CREM: variants seen among roughly 807,000 people sequenced by gnomAD.
The protein encoded by CREM is cAMP-responsive element modulator.
CREM carries 13 observed loss-of-function variants against 37.3 expected under a neutral mutation model. The observed-to-expected ratio is 0.35, with a 90% confidence interval of 0.23 to 0.55. The LOEUF (loss-of-function observed/expected upper bound fraction) is 0.55, where lower values mean the gene tolerates loss of function less well. CREM is among the 20% of genes least tolerant of loss of function. CREM has a pLI of 0.88. For synonymous variants in CREM, 124 were observed against 120.2 expected (o/e 1.03, Z -0.21); for missense variants, 296 against 362.3 (o/e 0.82, Z 1.49).
intron 6 of CREM, among the ~76,000 whole-genome samples, chr10:35,199,507 A>G (rs1032261544): frequency 1.3e-5 from 2 of 152,228 alleles, no homozygotes; most frequent in Non-Finnish European, 2.9e-5. Flanking sequence ...CCAACTATAG[A>G]AAGTGCTGTC....
In CREM at chr10:35,138,724, TA is replaced by T. The variant is rs1294280912; in HGVS notation, c.44+853del. 1.4e-4 allele frequency among the ~76,000 whole-genome samples: 21 copies of T among 151,498 alleles called. No individual in the cohort carries two copies. The South Asian group carries it at 4.4e-3, about 32-fold the overall frequency. Reference sequence around the variant, plus strand: ...ATTTTATATTAAAACAATTTATTACTAAAAAAAATTTTTTTTAGGCCGGGTG... The same window carrying T: ...ATTTTATATTAAAACAATTTATTACTAAAAAAATTTTTTTTAGGCCGGGTG... On this transcript the variant is annotated intron_variant, in intron 2 of 7. Transcript: ENST00000685392.
intron 3 of CREM, among the ~76,000 whole-genome samples, chr10:35,155,040 AT>A (rs1249223253): frequency 6.6e-6 from 1 of 152,180 alleles, no homozygotes; most frequent in African/African-American, 2.4e-5. Flanking sequence ...TTTGCTTTAA[AT>A]AAATTTTGAT....
At chr10:35,136,081 G>C (rs2090461478) in intron 1 of CREM, among the ~76,000 whole-genome samples, 1 of 152,148 alleles carries the variant, frequency 6.6e-6, no homozygotes, top group Non-Finnish European at 1.5e-5. Context: ...GGAAGTTGGT[G>C]CTTTCTTCAG....
chr10:35,207,862 T>C (rs950752112), intron 7 of CREM, among the ~76,000 whole-genome samples: 5 of 152,218 alleles, frequency 3.3e-5, no homozygotes, highest in South Asian at 2.1e-4. Flanking sequence ...GTGTGTGTTA[T>C]TAGATTGTCT....
chr10:35,192,914 C>A (rs2094977550), intron 6 of CREM, among the ~76,000 whole-genome samples: 1 of 152,208 alleles, frequency 6.6e-6, no homozygotes, highest in Non-Finnish European at 1.5e-5. Flanking sequence ...TCTTTAATAG[C>A]TGCCTACCTC....
intron 6 of CREM, among the ~76,000 whole-genome samples, chr10:35,192,309 C>T (rs1033472917): frequency 6.6e-6 from 1 of 152,148 alleles, no homozygotes; most frequent in African/African-American, 2.4e-5. Context: ...TTTCTTGCCC[C>T]CAACATCTCC....
rs531614534 is a variant in CREM, at chr10:35,129,886, T to C, written c.-55+2693T>C. Among the ~76,000 whole-genome samples the C allele has an allele frequency of 4.6e-5, 7 of 152,288 alleles. No homozygotes were observed. In the South Asian group the frequency reaches 1.5e-3, roughly 32 times the overall value. On this transcript the variant is annotated intron_variant, in intron 1 of 7. Transcript: ENST00000685392. Reference sequence around the variant, plus strand: ...TACATTGAATACAGTTTTGATATTATCAACACAGGAACTTAAAAATCCAGT... The same window carrying C: ...TACATTGAATACAGTTTTGATATTACCAACACAGGAACTTAAAAATCCAGT...
At chr10:35,157,814 A>T (rs2093011513) in intron 3 of CREM, among the ~76,000 whole-genome samples, 8 of 152,000 alleles carry the variant, frequency 5.3e-5, no homozygotes, top group Admixed American at 5.2e-4. Flanking sequence ...GAAAACCTTT[A>T]AAAAAAGGAA....
Position 35,179,290 on chromosome 10 carries a change from A to T in CREM, c.409+14A>T. Reference sequence around the variant, plus strand: ...CGGGGCAATACAGTATGTATGCTGCAATTCGATATGATACAGTGCTAGCTT... The same window carrying T: ...CGGGGCAATACAGTATGTATGCTGCTATTCGATATGATACAGTGCTAGCTT... On this transcript the variant is annotated intron_variant, in intron 5 of 7. Coordinates refer to ENST00000685392, the MANE Select transcript of CREM (RefSeq NM_183011.2). 6.2e-7 allele frequency: 1 copy of T among 1,613,090 alleles called. No homozygotes were observed. The highest frequency in any genetic ancestry group is 8.5e-7 in the Non-Finnish European group (1 of 1,179,584).
Position 35,179,041 on chromosome 10 carries a change from A to G in CREM, c.266+55A>G, listed in dbSNP as rs766749175. Reference sequence around the variant, plus strand: ...ATACTTTTTCCAAAATGGTAGAATAATTATACATCAAATCAATTCTTCCTT... The same window carrying G: ...ATACTTTTTCCAAAATGGTAGAATAGTTATACATCAAATCAATTCTTCCTT... On this transcript the variant is annotated intron_variant, in intron 4 of 7. Transcript: ENST00000685392. The G allele has an allele frequency of 8.1e-5, 125 of 1,544,416 alleles. 1 individual carries two copies. Among genetic ancestry groups the G allele is most frequent in the Non-Finnish European group, 1.1e-4 (120 of 1,134,066 alleles).
chr10:35,194,970 A>G (rs2095087574), intron 6 of CREM, among the ~76,000 whole-genome samples: 1 of 152,136 alleles, frequency 6.6e-6, no homozygotes, highest in Non-Finnish European at 1.5e-5. Context: ...TAAAAATGAG[A>G]AACAAGAGCA....
At chr10:35,207,167 C>T (rs192351396) in intron 7 of CREM, 116 bp downstream of exon 7, 33 of 1,019,512 alleles carry the variant, frequency 3.2e-5, no homozygotes, top group South Asian at 1.8e-4. Context: ...CCAAGGCAGG[C>T]GGATCACAGG....
chr10:35,130,012 C>A (rs2089011047), intron 1 of CREM, among the ~76,000 whole-genome samples: 1 of 151,760 alleles, frequency 6.6e-6, no homozygotes, highest in African/African-American at 2.4e-5. Context: ...GCCTAACCAA[C>A]ATGAAGAAAC....
At chr10:35,162,365 ATAGT>A (rs1463912548) in intron 3 of CREM, among the ~76,000 whole-genome samples, 11 of 152,210 alleles carry the variant, frequency 7.2e-5, no homozygotes, top group African/African-American at 2.4e-4. Context: ...CATGGTGACT[ATAGT>A]TAAGGACAAT....
At chr10:35,207,379 G>A (rs890748390) in intron 7 of CREM, among the ~76,000 whole-genome samples, 38 of 151,884 alleles carry the variant, frequency 2.5e-4, no homozygotes, top group Non-Finnish European at 4.9e-4. Flanking sequence ...GGGCGACAGA[G>A]CGAGACTCCA....
At chr10:35,149,316 A>G (rs1252446834) in intron 3 of CREM, among the ~76,000 whole-genome samples, 1 of 152,248 alleles carries the variant, frequency 6.6e-6, no homozygotes, top group African/African-American at 2.4e-5. Flanking sequence ...ACAGAGGCAC[A>G]GAGCCAGAGC....
intron 2 of CREM, among the ~76,000 whole-genome samples, chr10:35,147,081 C>T (rs375519164): frequency 2.3e-5 from 3 of 132,258 alleles, no homozygotes; most frequent in Non-Finnish European, 3.1e-5. Context: ...GACGGAGTCT[C>T]GCTCTGTCGC....
intron 2 of CREM, among the ~76,000 whole-genome samples, chr10:35,139,304 G>A (rs188167389): frequency 2.6e-4 from 39 of 152,168 alleles, no homozygotes; most frequent in African/African-American, 8.7e-4. Flanking sequence ...ATTATTAGTA[G>A]AGATGGAGTT....
At chr10:35,186,086 A>T (rs2094544032) in intron 5 of CREM, among the ~76,000 whole-genome samples, 1 of 152,232 alleles carries the variant, frequency 6.6e-6, no homozygotes, top group South Asian at 2.1e-4. Context: ...AGGTATTTAC[A>T]TTGATGTATA....
Sources: gnomAD v4.1 joint callset for allele counts (sites outside exome capture counted in the v4.1 genomes callset) on GRCh38, gnomAD v4.1.1 for gene constraint, MANE v1.5 for transcripts, NCBI Gene and HGNC (gene_info 2026-07-23, HGNC 2026-07-21) for gene names.